Variants in GRIA1 observed in about 807,000 individuals in gnomAD.
The protein encoded by GRIA1 is glutamate ionotropic receptor AMPA type subunit 1.
GRIA1 carries 31 observed loss-of-function variants against 99.2 expected under a neutral mutation model. The ratio of observed to expected loss-of-function variants is 0.31; its 90% CI spans 0.23 to 0.42. The LOEUF is 0.42. GRIA1 is among the 10% of genes least tolerant of loss of function. GRIA1 has a pLI of 1.00. For synonymous variants in GRIA1, 438 were observed against 432.4 expected, an observed-to-expected ratio of 1.01 and a Z score of -0.16; for missense variants, 782 against 1,157.5, an observed-to-expected ratio of 0.68 and a Z score of 4.71.
At chr5:153,765,692 A>G (rs1204746593) in intron 12 of GRIA1, among the ~76,000 whole-genome samples, 1 of 152,176 alleles carries the variant, frequency 6.6e-6, no homozygotes, top group Non-Finnish European at 1.5e-5. Context: ...AAGAAACAGT[A>G]CATGGAACTA....
At chr5:153,595,083 G>A (rs1416363208) in intron 2 of GRIA1, among the ~76,000 whole-genome samples, 2 of 151,704 alleles carry the variant, frequency 1.3e-5, no homozygotes, top group African/African-American at 4.8e-5. Context: ...TACTTCCTTT[G>A]TCTTCTCTTC....
intron 2 of GRIA1, among the ~76,000 whole-genome samples, chr5:153,599,259 A>G (rs987134893): frequency 2.0e-5 from 3 of 152,178 alleles, no homozygotes; most frequent in South Asian, 2.1e-4. Flanking sequence ...GACACTTTTT[A>G]TTACCTCAAC....
At chr5:153,508,775 C>T (rs564052336) in intron 2 of GRIA1, among the ~76,000 whole-genome samples, 2 of 152,242 alleles carry the variant, frequency 1.3e-5, no homozygotes, top group Non-Finnish European at 2.9e-5. Flanking sequence ...TGGTTTATAA[C>T]AAAAGCTTTT....
intron 6 of GRIA1, 48 bp downstream of exon 6, chr5:153,674,709 C>T: frequency 1.3e-6 from 2 of 1,581,774 alleles, no homozygotes; most frequent in South Asian, 2.3e-5. Flanking sequence ...GGTCCCTTTG[C>T]CTGCCCCAGA....
chr5:153,523,037 T>C (rs527267918), intron 2 of GRIA1, among the ~76,000 whole-genome samples: 69 of 151,866 alleles, frequency 4.5e-4, no homozygotes, highest in African/African-American at 1.6e-3. Flanking sequence ...TCTCTCTCTC[T>C]CTCTCTCTCA....
chr5:153,650,152 A>G (rs762431808), intron 3 of GRIA1, among the ~76,000 whole-genome samples, 178 bp from the exon 4 acceptor site: 2 of 152,234 alleles, frequency 1.3e-5, no homozygotes, highest in Non-Finnish European at 2.9e-5. Context: ...ATCTATGTTC[A>G]GAAACACAGT....
chr5:153,684,437 T>C (rs938297332), intron 7 of GRIA1, among the ~76,000 whole-genome samples: 11 of 152,214 alleles, frequency 7.2e-5, no homozygotes, highest in African/African-American at 2.4e-4. Flanking sequence ...AACTTAGTCA[T>C]AGAGAGATTA....
At chr5:153,491,035 G>T in intron 1 of GRIA1, 65 bp downstream of exon 1, 1 of 1,444,824 alleles carries the variant, frequency 6.9e-7, no homozygotes. Context: ...TTGGGGATAG[G>T]GGTTGTGTAC....
intron 11 of GRIA1, among the ~76,000 whole-genome samples, chr5:153,721,478 T>C (rs892020584): frequency 2.0e-5 from 3 of 152,220 alleles, no homozygotes; most frequent in African/African-American, 7.2e-5. Context: ...AAGAAATAGA[T>C]GATATCAAGA....
intron 13 of GRIA1, among the ~76,000 whole-genome samples, chr5:153,776,318 G>T (rs561506114): frequency 6.6e-6 from 1 of 152,178 alleles, no homozygotes; most frequent in Non-Finnish European, 1.5e-5. Flanking sequence ...AGTCTGTTAC[G>T]TAAGCTTTCT....
intron 11 of GRIA1, among the ~76,000 whole-genome samples, chr5:153,721,753 T>G (rs913490858): frequency 3.3e-5 from 5 of 152,232 alleles, no homozygotes; most frequent in African/African-American, 1.2e-4. Flanking sequence ...ACAATTTATT[T>G]ATTCATTCTT....
At chr5:153,690,448 T>A (rs533802401) in intron 8 of GRIA1, among the ~76,000 whole-genome samples, 13 of 152,120 alleles carry the variant, frequency 8.5e-5, no homozygotes, top group Non-Finnish European at 1.5e-4. Context: ...TCTAAAAGGG[T>A]GGTAATACTC....
chr5:153,573,087 G>T (rs999872621), intron 2 of GRIA1: 1 of 152,212 alleles, frequency 6.6e-6, no homozygotes, highest in Admixed American at 6.5e-5. Flanking sequence ...GTCCTAAGAG[G>T]TCTGAAGCTG....
rs138281200 is a variant in GRIA1, at chr5:153,584,372, C to T, written c.221-62556C>T. ...ATCTGGAAAGACAACCCAAGCCTTG[C>T]CCACAGTGTTTGAGATGTTACTCAG... is the stretch of plus-strand genomic sequence containing the variant. On this transcript the variant is annotated intron_variant, in intron 2 of 15. Transcript: ENST00000285900. Among the ~76,000 whole-genome samples the T allele has an allele frequency of 4.3e-4, 65 of 152,240 alleles. No individual in the cohort carries two copies. The East Asian group carries it at 0.013, about 29-fold the overall frequency.
chr5:153,637,807 A>T (rs76998334), intron 2 of GRIA1, among the ~76,000 whole-genome samples: 14,782 of 152,236 alleles, frequency 0.097, 846 homozygotes, highest in Middle Eastern at 0.17. Context: ...AGACCTGTGG[A>T]TGCTAGATGG....
intron 2 of GRIA1, among the ~76,000 whole-genome samples, chr5:153,519,321 C>G (rs1756925300): frequency 1.3e-5 from 2 of 151,978 alleles, no homozygotes; most frequent in Non-Finnish European, 2.9e-5. Context: ...CCTCCTGAAT[C>G]AGAAACTTTG....
intron 13 of GRIA1, among the ~76,000 whole-genome samples, chr5:153,784,036 GA>G (rs1764807606): frequency 6.6e-6 from 1 of 152,192 alleles, no homozygotes; most frequent in South Asian, 2.1e-4. Flanking sequence ...CCAGCTACCT[GA>G]ATTTGTCCAG....
chr5:153,618,814 C>T (rs1042049933), intron 2 of GRIA1, among the ~76,000 whole-genome samples: 1 of 152,152 alleles, frequency 6.6e-6, no homozygotes, highest in Non-Finnish European at 1.5e-5. Flanking sequence ...TTACCTGTGA[C>T]ACTACTATGT....
chr5:153,557,913 T>C (rs924040898), intron 2 of GRIA1: 2 of 152,222 alleles, frequency 1.3e-5, no homozygotes, highest in African/African-American at 4.8e-5. Context: ...ATTTTACAGC[T>C]ACCTTTTTTT....
Sources: gnomAD v4.1 joint callset for allele counts (sites outside exome capture counted in the v4.1 genomes callset) on GRCh38, gnomAD v4.1.1 for gene constraint, MANE v1.5 for transcripts, NCBI Gene and HGNC (gene_info 2026-07-23, HGNC 2026-07-21) for gene names.